Variants in PTGER3 observed in about 807,000 individuals in gnomAD.
PTGER3 encodes the protein prostaglandin E receptor 3.
A neutral mutation model predicts 34.7 loss-of-function variants in PTGER3; 22 were observed. That is an observed-to-expected ratio of 0.63 (90% CI 0.45 to 0.91). The LOEUF (loss-of-function observed/expected upper bound fraction) is 0.91. Ranked by LOEUF, PTGER3 falls within the 40% of genes least tolerant of loss-of-function variation. The probability of loss-of-function intolerance (pLI) is 0.00; values close to 1 mark genes in which losing one functional copy is unlikely to be tolerated. For missense variants in PTGER3, 468 were observed against 519.4 expected (o/e 0.90, Z 0.96); for synonymous variants, 241 against 230.1 (o/e 1.05, Z -0.43).
At position 70,909,531 on chromosome 1, in the gene PTGER3, T is replaced by A. The variant is rs1271201316; in HGVS notation, c.*23+44232A>T. Among the ~76,000 whole-genome samples the A allele has an allele frequency of 2.0e-5, 3 of 152,308 alleles. No individual in the cohort carries two copies. In the East Asian group the frequency reaches 5.8e-4, roughly 29 times the overall value. ...CCCATAAAAGGACATACTGTGTGAG[T>A]AAATGCAGAAGATCTCTCCCAGCAG... On this transcript the variant is annotated intron_variant, in intron 4 of 4. Transcript: ENST00000370931.
intron 4 of PTGER3, among the ~76,000 whole-genome samples, chr1:70,875,479 A>G (rs188353677): frequency 2.0e-5 from 3 of 152,200 alleles, no homozygotes; most frequent in Admixed American, 1.3e-4. Flanking sequence ...TATTTTTTAA[A>G]TTTATTTTAG....
intron 1 of PTGER3, among the ~76,000 whole-genome samples, chr1:71,035,001 G>A (rs572034532): frequency 1.0e-3 from 153 of 151,014 alleles, no homozygotes; most frequent in Non-Finnish European, 1.8e-3. Flanking sequence ...GTGAGAAAGA[G>A]CCTGGCACAA....
intron 4 of PTGER3, among the ~76,000 whole-genome samples, chr1:70,932,031 C>T (rs1489670971): frequency 6.6e-6 from 1 of 152,186 alleles, no homozygotes; most frequent in Non-Finnish European, 1.5e-5. Context: ...CAAGTCATGT[C>T]TTGAATGCTT....
At chr1:71,037,569 GCT>G (rs989815513) in intron 1 of PTGER3, among the ~76,000 whole-genome samples, 52 of 152,112 alleles carry the variant, frequency 3.4e-4, no homozygotes, top group African/African-American at 1.2e-3. Context: ...ACATTTCTAT[GCT>G]TTTTCCTAAT....
In PTGER3 at chr1:70,852,713, G is replaced by T; in HGVS notation, c.*170C>A. 4.4e-6 allele frequency: 5 copies of T among 1,126,854 alleles called. No individual in the cohort carries two copies. The South Asian group carries it at 6.5e-5, about 15-fold the overall frequency. 69.8% of individuals were successfully genotyped at this position (1,126,854 alleles called of 1,614,324 possible). ...CTTCTGGATAACAGTTATATTTGGG[G>T]GTGGGCTTGGGGGAAGAAGTAAAAG... On this transcript the variant is annotated 3_prime_UTR_variant, in exon 5 of 5. Transcript: ENST00000370931.
intron 2 of PTGER3, among the ~76,000 whole-genome samples, chr1:70,964,449 A>G (rs191707575): frequency 2.3e-4 from 35 of 152,344 alleles, no homozygotes; most frequent in African/African-American, 8.4e-4. Context: ...GAGGCCTCAC[A>G]ATCATGGCAG....
chr1:70,903,657 T>C (rs1646886466), intron 4 of PTGER3, among the ~76,000 whole-genome samples: 1 of 152,162 alleles, frequency 6.6e-6, no homozygotes, highest in Non-Finnish European at 1.5e-5. Flanking sequence ...CATACATGGT[T>C]GACAGCTTTA....
rs80192242 is a variant in PTGER3 at position 70,892,549 on chromosome 1, A to C, written c.*24-39690T>G. Among the ~76,000 whole-genome samples the C allele has an allele frequency of 2.4e-3, 366 of 152,268 alleles. 11 individuals carry two copies. In the East Asian group the frequency reaches 0.066, roughly 27 times the overall value. On this transcript the variant is annotated intron_variant, in intron 4 of 4. Transcript: ENST00000370931. Reference sequence around the variant, plus strand: ...CTCATCCCCTGTCTTCTTCCTCTACATATTGTAACCTCCTTAGGAGGTGGC... The same window carrying C: ...CTCATCCCCTGTCTTCTTCCTCTACCTATTGTAACCTCCTTAGGAGGTGGC...
intron 2 of PTGER3, among the ~76,000 whole-genome samples, chr1:71,000,118 G>T (rs2100809136): frequency 6.6e-6 from 1 of 152,272 alleles, no homozygotes; most frequent in African/African-American, 2.4e-5. Context: ...TTTCTTCCAT[G>T]GGGTTTTAAA....
Position 71,047,696 on chromosome 1 carries a change from T to G in PTGER3, c.-119A>C. ...GCGGCTGGGGCTGGGCTGCCCCCCATGGTGCGGGGCGCAGCCGCCGCCCTA... is the reference window on the plus strand; with the variant it reads ...GCGGCTGGGGCTGGGCTGCCCCCCAGGGTGCGGGGCGCAGCCGCCGCCCTA... On this transcript the variant is annotated 5_prime_UTR_variant, in exon 1 of 4. It removes an upstream start codon present in the reference 5' UTR. Coordinates refer to ENST00000306666, the MANE Select transcript of PTGER3 (RefSeq NM_198719.2). 1 of 1,225,980 alleles carries G rather than the reference T, an allele frequency of 8.2e-7. No individual in the cohort carries two copies. Among genetic ancestry groups the G allele is most frequent in the Non-Finnish European group, 1.1e-6 (1 of 917,136 alleles). The allele number at this position is 1,225,980 out of a possible 1,614,324, so 75.9% of individuals were successfully genotyped here.
intron 1 of PTGER3, among the ~76,000 whole-genome samples, chr1:71,013,927 TC>T (rs1187700469): frequency 1.3e-5 from 2 of 152,110 alleles, no homozygotes; most frequent in Non-Finnish European, 2.9e-5. Flanking sequence ...CTCCTAAGTT[TC>T]CCATTCTAGA....
At chr1:71,012,137 A>G (rs750730268) in intron 2 of PTGER3, 168 bp downstream of exon 2, 238 of 1,525,460 alleles carry the variant, frequency 1.6e-4, no homozygotes, top group Non-Finnish European at 1.9e-4. Context: ...GTGGCATGCC[A>G]GAGATGCCTA....
intron 1 of PTGER3, among the ~76,000 whole-genome samples, chr1:71,037,286 T>C (rs1659923413): frequency 6.6e-6 from 1 of 152,202 alleles, no homozygotes; most frequent in African/African-American, 2.4e-5. Context: ...TGAAGGAAGA[T>C]AGCATTCCAT....
chr1:71,047,089 G>A lies in PTGER3; in HGVS notation c.489C>T (p.His163=), dbSNP rs562873836. 5.0e-6 allele frequency: 8 copies of A among 1,609,496 alleles called. No homozygotes were observed. The highest frequency in any genetic ancestry group is 6.8e-6 in the Non-Finnish European group (8 of 1,178,408). Residue 163 remains histidine (H), a synonymous_variant, in exon 1 of 4, where the codon CAC becomes CAT. Coordinates refer to ENST00000306666, the MANE Select transcript of PTGER3 (RefSeq NM_198719.2). The stretch of plus-strand genomic sequence containing the variant: ...GCGTCTTCATGTGGCTCGCATACCA[G>A]TGCGGCGCCCTGATGGCCAGCGCCC... The part of the protein sequence containing the change: ...VERALAIRAP[H]WYASHMKTRA...
At chr1:70,882,939 A>G (rs1412184656) in intron 4 of PTGER3, among the ~76,000 whole-genome samples, 2 of 152,136 alleles carry the variant, frequency 1.3e-5, no homozygotes, top group East Asian at 3.9e-4. Flanking sequence ...CCTTTCTGAG[A>G]GCAGCACACG....
rs147564163 is a variant in PTGER3, at chr1:70,908,025, C to T, written c.*23+45738G>A. On this transcript the variant is annotated intron_variant, in intron 4 of 4. Coordinates refer to the PTGER3 transcript ENST00000370931. The stretch of plus-strand genomic sequence containing the variant: ...TTGATTCTCTGACCATATTGTCTCT[C>T]CCTTCAGTTCATGCAAGACAGGCTT... Among the ~76,000 whole-genome samples, 534 of 152,270 alleles carry T rather than the reference C, an allele frequency of 3.5e-3. 2 individuals carry two copies. Among genetic ancestry groups the T allele is most frequent in the African/African-American group, 0.012 (500 of 41,560 alleles).
At chr1:70,936,578 TA>T (rs1649251904) in intron 4 of PTGER3, among the ~76,000 whole-genome samples, 1 of 152,192 alleles carries the variant, frequency 6.6e-6, no homozygotes, top group Non-Finnish European at 1.5e-5. Context: ...ACAGACATTT[TA>T]AATTGCAATG....
intron 2 of PTGER3, among the ~76,000 whole-genome samples, chr1:70,996,048 T>C (rs1655908487): frequency 6.6e-6 from 1 of 152,184 alleles, no homozygotes. Context: ...CAAATTTATG[T>C]CTTTAAATCC....
intron 1 of PTGER3, among the ~76,000 whole-genome samples, chr1:71,033,609 T>A (rs1659584682): frequency 6.6e-6 from 1 of 152,212 alleles, no homozygotes; most frequent in Non-Finnish European, 1.5e-5. Context: ...ATGGACTCAA[T>A]AAACAAATAC....
Sources: allele counts gnomAD v4.1 joint callset (sites outside exome capture counted in the v4.1 genomes callset), GRCh38; gene constraint gnomAD v4.1.1; transcripts MANE v1.5; gene names NCBI Gene and HGNC (gene_info 2026-07-23, HGNC 2026-07-21).